WDR43: variants seen among roughly 807,000 people sequenced by gnomAD.
The protein encoded by WDR43 is WD repeat domain 43, also known as WD repeat-containing protein 43.
In WDR43, 13 loss-of-function variants were observed where a neutral mutation model predicts 91.4. That is an observed-to-expected ratio of 0.14 (90% CI 0.09 to 0.23). The LOEUF is 0.23. Ranked by LOEUF, WDR43 falls within the 10% of genes least tolerant of loss-of-function variation. The pLI is 1.00. For synonymous variants in WDR43, 331 were observed against 287.9 expected (o/e 1.15, Z -1.51); for missense variants, 780 against 809.4 (o/e 0.96, Z 0.44).
At position 28,940,038 on chromosome 2, in the gene WDR43, G is replaced by C. The variant is rs12465258; in HGVS notation, c.1621-1423G>C. ...AGGCAGGAGAATGGCGTGAACCCGG[G>C]GGGGCAGAGGTTGCAGTGAGCATAG... On this transcript the variant is annotated intron_variant, in intron 14 of 17. Transcript: ENST00000407426. Among the ~76,000 whole-genome samples the C allele has an allele frequency of 9.3e-5, 14 of 150,412 alleles. No individual in the cohort carries two copies. In the East Asian group the frequency reaches 2.5e-3, roughly 27 times the overall value.
In WDR43 at chr2:28,941,499, G is replaced by C. The variant is rs925441610; in HGVS notation, c.1659G>C (p.Gln553His). 6 of 1,613,572 alleles carry C rather than the reference G, an allele frequency of 3.7e-6. No individual in the cohort carries two copies. The African/African-American group carries it at 6.7e-5, about 18-fold the overall frequency. Residue 553 changes from glutamine (Q) to histidine (H), a missense_variant, in exon 15 of 18, where the codon CAG becomes CAC. Gln to His is a conservative substitution (Grantham distance 24, BLOSUM62 0). Transcript: ENST00000407426. ...TACCCCAGCTGGGGACACTCTACCA[G>C]TTAATGGAAAGCAGAGTCAAAACTT... ...DLVPQLGTLY[Q>H]LMESRVKTFQ...
Position 28,946,483 on chromosome 2 carries a change from C to G in WDR43, c.1838C>G (p.Ala613Gly). The G allele has an allele frequency of 6.2e-7, 1 of 1,611,980 alleles. No individual in the cohort carries two copies. ...GAAGAGGAGTCTGATGATGAAATAG[C>G]AGATAAGGATTCTGAAGTGAGTGAT... ...SSEEESDDEIADKDSEDNWDE... is the reference protein window; with the variant it reads ...SSEEESDDEIGDKDSEDNWDE... Residue 613 changes from alanine (A) to glycine (G), a missense_variant, in exon 17 of 18, where the codon GCA becomes GGA. Physicochemically the swap from Ala to Gly is moderately conservative, Grantham distance 60. Around this residue, in one of 4 missense-constraint regions of WDR43, gnomAD observed 426 missense variants for 467.8 expected, o/e 0.91. Transcript: ENST00000407426.
chr2:28,927,922 GT>G, intron 10 of WDR43: 1 of 582,864 alleles, frequency 1.7e-6, no homozygotes, highest in South Asian at 2.6e-5. Context: ...AGAGGGTGCT[GT>G]TTTGGCCATT....
chr2:28,902,804 C>T (rs1317852721), intron 2 of WDR43, among the ~76,000 whole-genome samples: 2 of 152,164 alleles, frequency 1.3e-5, no homozygotes, highest in Non-Finnish European at 2.9e-5. Context: ...TGAGTCCCAG[C>T]ATCACAGCAG....
rs116176633 is a variant in WDR43 at position 28,936,209 on chromosome 2, A to G, written c.1524+602A>G. Among the ~76,000 whole-genome samples, 631 of 152,220 alleles carry G rather than the reference A, an allele frequency of 4.1e-3. 5 individuals carry two copies. The highest frequency in any genetic ancestry group is 0.014 in the African/African-American group (600 of 41,520). ...ACCCCATCTTAAAAAAAAAAAGTAT[A>G]TATAATTTCACTGAAACTTGCCCTA... is the stretch of plus-strand genomic sequence containing the variant. On this transcript the variant is annotated intron_variant, in intron 12 of 17. Transcript: ENST00000407426.
At chr2:28,929,528 C>G in intron 10 of WDR43, 51 bp from the exon 11 acceptor site, 1 of 1,423,874 alleles carries the variant, frequency 7.0e-7, no homozygotes, top group Non-Finnish European at 9.2e-7. Flanking sequence ...TGTCTCCAAA[C>G]TACTTTAAGT....
In WDR43 at chr2:28,936,904, T is replaced by C. The variant is rs1317821868; in HGVS notation, c.1525-18T>C. On this transcript the variant is annotated intron_variant, in intron 12 of 17. Transcript: ENST00000407426. Reference sequence around the variant, plus strand: ...GCCTCTGAAGTGCTGTTGTTAATAGTGTTTTTCTCTCCCTTAGCTTACAAA... The same window carrying C: ...GCCTCTGAAGTGCTGTTGTTAATAGCGTTTTTCTCTCCCTTAGCTTACAAA... 1.3e-6 allele frequency: 2 copies of C among 1,565,972 alleles called. No individual in the cohort carries two copies. Among genetic ancestry groups the C allele is most frequent in the Non-Finnish European group, 1.7e-6 (2 of 1,153,590 alleles).
chr2:28,896,465 G>A (rs13410817), intron 1 of WDR43, among the ~76,000 whole-genome samples: 3,701 of 152,200 alleles, frequency 0.024, 168 homozygotes, highest in African/African-American at 0.085. Context: ...TATTTGTGTG[G>A]TTAGTCCTGA....
chr2:28,900,256 C>T (rs1310828704), intron 1 of WDR43, among the ~76,000 whole-genome samples: 3 of 152,044 alleles, frequency 2.0e-5, no homozygotes, highest in East Asian at 3.9e-4. Context: ...GGCAGGATCT[C>T]GGCTCACTGC....
intron 5 of WDR43, among the ~76,000 whole-genome samples, chr2:28,914,730 A>T (rs1294441717): frequency 6.6e-6 from 1 of 152,198 alleles, no homozygotes; most frequent in Non-Finnish European, 1.5e-5. Flanking sequence ...AGAGATCGAG[A>T]TCATCCTGGC....
intron 1 of WDR43, among the ~76,000 whole-genome samples, chr2:28,898,116 A>T (rs1311273216): frequency 6.6e-6 from 1 of 152,216 alleles, no homozygotes; most frequent in African/African-American, 2.4e-5. Context: ...ATTGTCTTCA[A>T]ACTTTTGAAA....
At chr2:28,906,704 A>G (rs1670688731) in intron 3 of WDR43, 123 bp downstream of exon 3, 1 of 1,268,746 alleles carries the variant, frequency 7.9e-7, no homozygotes, top group African/African-American at 1.5e-5. Flanking sequence ...CAAATCGAGC[A>G]TGCAAGATTT....
chr2:28,905,427 A>G lies in WDR43; in HGVS notation c.364-1033A>G, dbSNP rs978334828. ...AATGTATAAGTATTGTTTATATGCT[A>G]TGGCCCCATAGTACAAGGAAGCATT... On this transcript the variant is annotated intron_variant, in intron 2 of 17. Coordinates refer to ENST00000407426, the MANE Select transcript of WDR43 (RefSeq NM_015131.3). Among the ~76,000 whole-genome samples, 8 of 152,316 alleles carry G rather than the reference A, an allele frequency of 5.3e-5. No individual in the cohort carries two copies. In the East Asian group the frequency reaches 7.7e-4, roughly 15 times the overall value.
At chr2:28,929,799 C>A in intron 11 of WDR43, 89 bp downstream of exon 11, 1 of 1,338,136 alleles carries the variant, frequency 7.5e-7, no homozygotes, top group Non-Finnish European at 1.0e-6. Flanking sequence ...TGTGAGCCAT[C>A]ATGTTACAGA....
At chr2:28,905,070 A>C (rs1026822378) in intron 2 of WDR43, 1 of 152,096 alleles carries the variant, frequency 6.6e-6, no homozygotes, top group African/African-American at 2.4e-5. Context: ...TGGATAGAGG[A>C]GGGTGGAGAA....
chr2:28,934,053 A>G (rs1671294782), intron 11 of WDR43, among the ~76,000 whole-genome samples: 2 of 152,338 alleles, frequency 1.3e-5, no homozygotes, highest in South Asian at 4.1e-4. Flanking sequence ...TAATGGCCCT[A>G]AACTGGAAAG....
chr2:28,927,244 T>A lies in WDR43; in HGVS notation c.1174-325T>A, dbSNP rs77881938. On this transcript the variant is annotated intron_variant, in intron 9 of 17. Transcript: ENST00000407426. The stretch of plus-strand genomic sequence containing the variant: ...TGTCTTTATGTAATCTGTAGTTTTT[T>A]AAAGCCAGTTGAATTTAGTAGTGGG... The A allele has an allele frequency of 4.4e-3, 2,154 of 491,794 alleles. 36 individuals are homozygous for A. Among genetic ancestry groups the A allele is most frequent in the African/African-American group, 0.036 (1,866 of 51,306 alleles). The allele number at this position is 491,794 out of a possible 1,614,324, so 30.5% of individuals were successfully genotyped here.
chr2:28,937,074 T>C, intron 13 of WDR43, 121 bp downstream of exon 13: 1 of 909,184 alleles, frequency 1.1e-6, no homozygotes, highest in Non-Finnish European at 1.6e-6. Flanking sequence ...CCTCGCCACC[T>C]CCCTTATTTT....
chr2:28,910,310 G>A (rs959162500), intron 3 of WDR43, among the ~76,000 whole-genome samples: 3 of 152,130 alleles, frequency 2.0e-5, no homozygotes, highest in Non-Finnish European at 4.4e-5. Context: ...TTTTATATAT[G>A]TATCAACGTA....
Sources: allele counts gnomAD v4.1 joint callset (sites outside exome capture counted in the v4.1 genomes callset), GRCh38; gene constraint gnomAD v4.1.1; regional missense constraint gnomAD v4.1.1; transcripts MANE v1.5; gene names NCBI Gene and HGNC (gene_info 2026-07-23, HGNC 2026-07-21).